The following FSTL4 variants were observed in gnomAD, a reference collection of about 807,000 sequenced individuals.
The protein encoded by FSTL4 is follistatin like 4.
In FSTL4, 28 loss-of-function variants were observed where a neutral mutation model predicts 78.2. The ratio of observed to expected loss-of-function variants is 0.36; its 90% CI spans 0.27 to 0.49. The LOEUF is 0.49. FSTL4 is among the 20% of genes least tolerant of loss of function. The pLI, the probability that FSTL4 is intolerant of heterozygous loss-of-function variation, is 0.98. For synonymous variants in FSTL4, 422 were observed against 440.5 expected (o/e 0.96, Z 0.53); for missense variants, 922 against 1,084.9 (o/e 0.85, Z 2.11).
the FSTL4 span, among the ~76,000 whole-genome samples, chr5:133,789,011 T>C: frequency 6.6e-6 from 1 of 152,136 alleles, no homozygotes; most frequent in Non-Finnish European, 1.5e-5. Flanking sequence ...TCCTTCAAAA[T>C]GAGCTCAATA....
intron 5 of FSTL4, among the ~76,000 whole-genome samples, chr5:133,315,235 A>G (rs1193923477): frequency 6.6e-6 from 1 of 152,160 alleles, no homozygotes; most frequent in Non-Finnish European, 1.5e-5. Context: ...CCTCATGATG[A>G]CCCTGTGAGG....
chr5:133,331,122 T>C (rs1754335559), intron 4 of FSTL4, among the ~76,000 whole-genome samples: 1 of 152,176 alleles, frequency 6.6e-6, no homozygotes, highest in African/African-American at 2.4e-5. Context: ...CAAGCCCCGC[T>C]GAGAGGGAAA....
At chr5:133,597,450 T>C (rs796399116) in intron 2 of FSTL4, among the ~76,000 whole-genome samples, 14 of 152,142 alleles carry the variant, frequency 9.2e-5, no homozygotes, top group African/African-American at 3.4e-4. Flanking sequence ...ATTACAAGGG[T>C]GGGAAGTTTC....
At chr5:133,413,844 T>C (rs763674035) in intron 3 of FSTL4, among the ~76,000 whole-genome samples, 78 of 152,178 alleles carry the variant, frequency 5.1e-4, no homozygotes, top group Non-Finnish European at 1.0e-3. Flanking sequence ...GTTTTGAATT[T>C]TGAATTTTCA....
chr5:133,233,159 C>T (rs781727859), intron 8 of FSTL4, among the ~76,000 whole-genome samples: 2 of 152,250 alleles, frequency 1.3e-5, no homozygotes, highest in African/African-American at 4.8e-5. Context: ...AGCTGCTGAG[C>T]GTGACTGGCC....
At chr5:133,555,085 T>C (rs903350183) in intron 3 of FSTL4, among the ~76,000 whole-genome samples, 4 of 152,222 alleles carry the variant, frequency 2.6e-5, no homozygotes, top group African/African-American at 9.6e-5. Context: ...ACTGTCATCA[T>C]TTTAAACCAT....
intron 3 of FSTL4, among the ~76,000 whole-genome samples, chr5:133,473,183 T>A (rs1420209439): frequency 1.3e-5 from 2 of 152,166 alleles, no homozygotes; most frequent in Non-Finnish European, 2.9e-5. Flanking sequence ...AGTGCTCTGT[T>A]TCTACAGTTT....
chr5:133,782,067 A>AC, the FSTL4 span, among the ~76,000 whole-genome samples: 1 of 152,038 alleles, frequency 6.6e-6, no homozygotes, highest in Admixed American at 6.6e-5. Flanking sequence ...AGATTTACCC[A>AC]CCCCCACTGC....
chr5:133,724,641 G>A, the FSTL4 span, among the ~76,000 whole-genome samples: 1 of 152,104 alleles, frequency 6.6e-6, no homozygotes, highest in East Asian at 1.9e-4. Flanking sequence ...TCAGAAATAT[G>A]TATTGAAAAT....
At chr5:133,686,639 A>G in the FSTL4 span, among the ~76,000 whole-genome samples, 1 of 152,232 alleles carries the variant, frequency 6.6e-6, no homozygotes, top group African/African-American at 2.4e-5. Flanking sequence ...GCCAGGTGGG[A>G]TAGGCAGCAG....
chr5:133,841,334 A>G, the FSTL4 span, among the ~76,000 whole-genome samples: 5 of 152,212 alleles, frequency 3.3e-5, no homozygotes, highest in Admixed American at 2.0e-4. Flanking sequence ...AGCCATCCAG[A>G]CAATAAATAC....
chr5:133,520,890 G>A lies in FSTL4; in HGVS notation c.160+46296C>T, dbSNP rs952380182. ...CACTGGAAAAGCTGATGTGGAGGAA[G>A]AAGGTGGTTCTGGCAGCGGGGACTA... On this transcript the variant is annotated intron_variant, in intron 3 of 15. Coordinates refer to ENST00000265342, the MANE Select transcript of FSTL4 (RefSeq NM_015082.2). Among the ~76,000 whole-genome samples the A allele has an allele frequency of 4.6e-5, 7 of 152,278 alleles. No homozygotes were observed. The East Asian group carries it at 1.2e-3, about 25-fold the overall frequency.
At chr5:133,289,736 T>C (rs1478195336) in intron 6 of FSTL4, among the ~76,000 whole-genome samples, 1 of 152,206 alleles carries the variant, frequency 6.6e-6, no homozygotes, top group Non-Finnish European at 1.5e-5. Context: ...CCTCCAGAGC[T>C]GCCCAAAGAC....
chr5:133,317,540 A>G (rs145871805), intron 4 of FSTL4, among the ~76,000 whole-genome samples: 387 of 152,360 alleles, frequency 2.5e-3, no homozygotes, highest in Middle Eastern at 3.4e-3. Flanking sequence ...TTGAAGGCCA[A>G]TGGGTTGCTG....
the FSTL4 span, among the ~76,000 whole-genome samples, chr5:133,679,112 G>A: frequency 2.0e-5 from 3 of 152,116 alleles, no homozygotes; most frequent in African/African-American, 7.2e-5. Flanking sequence ...CTCCCTCTCA[G>A]GAGAGGACAC....
chr5:133,420,781 G>A (rs957893288), intron 3 of FSTL4, among the ~76,000 whole-genome samples: 10 of 152,254 alleles, frequency 6.6e-5, no homozygotes, highest in Non-Finnish European at 1.0e-4. Context: ...GTGCATGGCT[G>A]TAGAGTAATA....
intron 6 of FSTL4, among the ~76,000 whole-genome samples, chr5:133,274,671 G>A (rs545610448): frequency 6.1e-4 from 93 of 152,178 alleles, no homozygotes; most frequent in South Asian, 3.9e-3. Context: ...TAATCCTTCC[G>A]TCAACACAGC....
At chr5:133,545,540 T>C (rs1759557987) in intron 3 of FSTL4, among the ~76,000 whole-genome samples, 2 of 152,180 alleles carry the variant, frequency 1.3e-5, no homozygotes, top group Non-Finnish European at 1.5e-5. Flanking sequence ...ACCTCCAGAA[T>C]TGTGAGCCAA....
intron 3 of FSTL4, among the ~76,000 whole-genome samples, chr5:133,525,102 G>A (rs1759063488): frequency 6.6e-6 from 1 of 152,114 alleles, no homozygotes; most frequent in African/African-American, 2.4e-5. Flanking sequence ...GGCAAAACAG[G>A]CCCACAGTCG....
Sources: gnomAD v4.1 joint callset for allele counts (sites outside exome capture counted in the v4.1 genomes callset) on GRCh38, gnomAD v4.1.1 for gene constraint, MANE v1.5 for transcripts, NCBI Gene and HGNC (gene_info 2026-07-23, HGNC 2026-07-21) for gene names.